DAB1: variants seen among roughly 807,000 people sequenced by gnomAD.
DAB1 encodes DAB adaptor protein 1.
In DAB1, 15 loss-of-function variants were observed where a neutral mutation model predicts 64.6. The ratio of observed to expected loss-of-function variants is 0.23; its 90% CI spans 0.16 to 0.36. The LOEUF is 0.36. DAB1 is among the 10% of genes least tolerant of loss of function. The pLI is 1.00. For missense variants in DAB1, 596 were observed against 706.7 expected (o/e 0.84, Z 1.78); for synonymous variants, 235 against 251.9 (o/e 0.93, Z 0.64).
intron 6 of DAB1, among the ~76,000 whole-genome samples, chr1:57,684,408 A>G (rs1646670854): frequency 6.6e-6 from 1 of 152,212 alleles, no homozygotes; most frequent in Non-Finnish European, 1.5e-5. Flanking sequence ...AGGGAACTCT[A>G]TCAGGCTGGC....
At chr1:57,555,391 GTT>G (rs11303581) in intron 7 of DAB1, among the ~76,000 whole-genome samples, 1,427 of 128,790 alleles carry the variant, frequency 0.011, 14 homozygotes, top group African/African-American at 0.028. Flanking sequence ...CTGTCTCTGG[GTT>G]TTTTTTTTTT....
intron 1 of DAB1, among the ~76,000 whole-genome samples, chr1:57,299,682 C>T (rs1478563054): frequency 1.3e-5 from 2 of 152,202 alleles, no homozygotes; most frequent in African/African-American, 4.8e-5. Context: ...TACATCCAAC[C>T]TTCTAAAATT....
At chr1:57,246,071 A>T (rs1668849191) in intron 2 of DAB1, among the ~76,000 whole-genome samples, 1 of 152,214 alleles carries the variant, frequency 6.6e-6, no homozygotes, top group African/African-American at 2.4e-5. Context: ...AGAAAATAAA[A>T]CTCATTTTCT....
intron 2 of DAB1, among the ~76,000 whole-genome samples, chr1:57,185,219 C>T (rs930535378): frequency 1.3e-5 from 2 of 152,158 alleles, no homozygotes; most frequent in Non-Finnish European, 2.9e-5. Context: ...ACTCCTACCC[C>T]TACCATGTTA....
intron 4 of DAB1, among the ~76,000 whole-genome samples, chr1:58,229,688 C>T (rs139466459): frequency 4.9e-4 from 75 of 152,212 alleles, no homozygotes; most frequent in African/African-American, 1.7e-3. Flanking sequence ...TCATGGGGGG[C>T]ATTTGAAGCA....
At chr1:58,541,381 T>C (rs1173229391) in intron 1 of DAB1, 1 of 110,076 alleles carries the variant, frequency 9.1e-6, no homozygotes. Context: ...CTCTATAATA[T>C]AAACTGCAAA....
chr1:58,070,785 G>C (rs1473477120), intron 5 of DAB1, among the ~76,000 whole-genome samples: 1 of 152,192 alleles, frequency 6.6e-6, no homozygotes, highest in Non-Finnish European at 1.5e-5. Context: ...GAGGAGGCAA[G>C]GTCACAGTCA....
chr1:57,600,574 G>GACTTAATT (rs1645565513), intron 7 of DAB1, among the ~76,000 whole-genome samples: 1 of 152,144 alleles, frequency 6.6e-6, no homozygotes, highest in Admixed American at 6.5e-5. Context: ...AGCCCTGGGG[G>GACTTAATT]GTCGGGATGG....
At chr1:57,302,712 T>C (rs1019644265) in intron 1 of DAB1, among the ~76,000 whole-genome samples, 10 of 152,084 alleles carry the variant, frequency 6.6e-5, no homozygotes, top group African/African-American at 2.4e-4. Context: ...CGAGGGATCC[T>C]CCCACCTCAA....
chr1:58,456,741 A>T (rs532369113), intron 3 of DAB1, among the ~76,000 whole-genome samples: 2 of 152,156 alleles, frequency 1.3e-5, no homozygotes, highest in Non-Finnish European at 2.9e-5. Flanking sequence ...ACCACCTCCA[A>T]TTAAGCCTTA....
intron 5 of DAB1, among the ~76,000 whole-genome samples, chr1:57,889,614 T>G (rs1288150330): frequency 2.0e-5 from 3 of 152,208 alleles, no homozygotes; most frequent in African/African-American, 7.2e-5. Flanking sequence ...GGACCAGCCT[T>G]CTGCCCCGTA....
chr1:58,354,989 C>T (rs1644096461), intron 3 of DAB1, among the ~76,000 whole-genome samples: 1 of 152,122 alleles, frequency 6.6e-6, no homozygotes, highest in Non-Finnish European at 1.5e-5. Flanking sequence ...GGACGAGGTC[C>T]AGCTATAATC....
chr1:57,606,402 TTATA>T (rs1011178865), intron 7 of DAB1, among the ~76,000 whole-genome samples: 2 of 111,160 alleles, frequency 1.8e-5, no homozygotes, highest in African/African-American at 6.6e-5. Flanking sequence ...ACACATTATA[TTATA>T]TATATGATAT....
intron 1 of DAB1, among the ~76,000 whole-genome samples, chr1:57,374,647 C>G (rs1680755744): frequency 6.6e-6 from 1 of 152,160 alleles, no homozygotes; most frequent in Non-Finnish European, 1.5e-5. Flanking sequence ...CCTTCCTGGT[C>G]TCTTCAGCCT....
At chr1:57,248,141 T>C (rs1669029515) in intron 2 of DAB1, among the ~76,000 whole-genome samples, 1 of 152,208 alleles carries the variant, frequency 6.6e-6, no homozygotes, top group Non-Finnish European at 1.5e-5. Flanking sequence ...ACACTTTAAA[T>C]CATCTCTAGA....
At chr1:57,642,960 G>A (rs900220292) in intron 7 of DAB1, among the ~76,000 whole-genome samples, 2 of 152,132 alleles carry the variant, frequency 1.3e-5, no homozygotes, top group Non-Finnish European at 2.9e-5. Flanking sequence ...GCTGGACTAC[G>A]GCACTTGTTT....
chr1:58,435,031 CA>C (rs1256480898), intron 3 of DAB1, among the ~76,000 whole-genome samples: 1 of 152,150 alleles, frequency 6.6e-6, no homozygotes, highest in Non-Finnish European at 1.5e-5. Context: ...TAGGAAATAG[CA>C]GATGCCCTCA....
intron 2 of DAB1, among the ~76,000 whole-genome samples, chr1:57,274,871 C>T (rs1013088058): frequency 1.4e-5 from 2 of 139,222 alleles, no homozygotes; most frequent in Admixed American, 7.8e-5. Flanking sequence ...TGTGAGCCAC[C>T]GCGCTCAGCC....
chr1:58,254,383 A>ATT lies in DAB1; in HGVS notation n.309+88967_309+88968dup, dbSNP rs111526055. 1.8e-4 allele frequency among the ~76,000 whole-genome samples: 26 copies of ATT among 146,100 alleles called. 1 individual carries two copies. The East Asian group carries it at 2.0e-3, about 11-fold the overall frequency. On this transcript the variant is annotated intron_variant and non_coding_transcript_variant, in intron 4 of 20. Coordinates refer to the DAB1 transcript ENST00000485760. ...AGCTTAAGGCAAAGGGAATTTATTT[A>ATT]TTTTTTTTTCTATTTTTTTTTTATT...
Sources: allele counts gnomAD v4.1 joint callset (sites outside exome capture counted in the v4.1 genomes callset), GRCh38; gene constraint gnomAD v4.1.1; transcripts MANE v1.5; gene names NCBI Gene and HGNC (gene_info 2026-07-23, HGNC 2026-07-21).